The following DHRSX variants were observed in gnomAD, a reference collection of about 807,000 sequenced individuals.
The protein encoded by DHRSX is polyprenol dehydrogenase.
In DHRSX, 31 loss-of-function variants were observed where a neutral mutation model predicts 34.0. That is an observed-to-expected ratio of 0.91 (90% CI 0.69 to 1.23). DHRSX has a LOEUF of 1.23. Ranked by LOEUF, DHRSX falls within the 50% of genes most tolerant of loss-of-function variation. The pLI is 0.00. For synonymous variants in DHRSX, 201 were observed against 183.8 expected (o/e 1.09, Z -0.76); for missense variants, 414 against 428.1 (o/e 0.97, Z 0.29).
intron 4 of DHRSX, among the ~76,000 whole-genome samples, chrX:2,282,769 C>T (rs561104618): frequency 9.1e-4 from 32 of 35,282 alleles, no homozygotes; most frequent in African/African-American, 4.1e-3. Flanking sequence ...GGGGAGAAAG[C>T]GAGGGAGGGA....
intron 3 of DHRSX, among the ~76,000 whole-genome samples, chrX:2,294,678 G>C (rs865930370): frequency 7.6e-6 from 1 of 132,170 alleles, no homozygotes; most frequent in Non-Finnish European, 1.7e-5. Flanking sequence ...AAAAAAAAAA[G>C]AGACAGAAAG....
chrX:2,297,366 G>A (rs1247235776), intron 3 of DHRSX, among the ~76,000 whole-genome samples: 7 of 152,038 alleles, frequency 4.6e-5, no homozygotes, highest in Admixed American at 1.3e-4. Context: ...CAAGCGATCC[G>A]CCCGCCTTGG....
chrX:2,361,893 T>A (rs1448285522), intron 3 of DHRSX, among the ~76,000 whole-genome samples: 1 of 152,206 alleles, frequency 6.6e-6, no homozygotes, highest in Non-Finnish European at 1.5e-5. Flanking sequence ...TTTCTTTTCT[T>A]CAAAAATTAA....
At chrX:2,440,128 C>G (rs2044044126) in intron 1 of DHRSX, among the ~76,000 whole-genome samples, 1 of 152,220 alleles carries the variant, frequency 6.6e-6, no homozygotes, top group African/African-American at 2.4e-5. Flanking sequence ...TCAGTAGCAT[C>G]TGTCAGCAAA....
intron 3 of DHRSX, among the ~76,000 whole-genome samples, chrX:2,316,591 G>A (rs781427320): frequency 5.3e-5 from 8 of 152,108 alleles, no homozygotes; most frequent in African/African-American, 1.7e-4. Context: ...CCAGGAAAAG[G>A]ATCTCTGAGA....
At chrX:2,367,762 CATT>C (rs1407543326) in intron 3 of DHRSX, among the ~76,000 whole-genome samples, 1 of 152,100 alleles carries the variant, frequency 6.6e-6, no homozygotes, top group Non-Finnish European at 1.5e-5. Flanking sequence ...TTTAGCAAAA[CATT>C]ATGATTTGAT....
intron 3 of DHRSX, among the ~76,000 whole-genome samples, chrX:2,373,293 C>T (rs1281057727): frequency 6.6e-6 from 1 of 152,206 alleles, no homozygotes; most frequent in Non-Finnish European, 1.5e-5. Flanking sequence ...GGGGACACAG[C>T]CATCCCATCG....
At chrX:2,303,900 A>G (rs181893799) in intron 3 of DHRSX, among the ~76,000 whole-genome samples, 2,070 of 60,256 alleles carry the variant, frequency 0.034, no homozygotes, top group East Asian at 0.06. Flanking sequence ...TGGATGGATA[A>G]ATGGATGGAT....
intron 3 of DHRSX, among the ~76,000 whole-genome samples, chrX:2,388,740 G>A (rs953786811): frequency 2.0e-4 from 29 of 145,034 alleles, no homozygotes; most frequent in African/African-American, 7.2e-4. Flanking sequence ...CCAAGTCCAG[G>A]AGAGAGACCT....
At chrX:2,365,900 C>T (rs1219059593) in intron 3 of DHRSX, among the ~76,000 whole-genome samples, 2 of 152,058 alleles carry the variant, frequency 1.3e-5, no homozygotes, top group Non-Finnish European at 2.9e-5. Flanking sequence ...ACCACCATGG[C>T]ACATGTATAC....
At chrX:2,347,176 C>T (rs1281356960) in intron 3 of DHRSX, among the ~76,000 whole-genome samples, 1 of 152,174 alleles carries the variant, frequency 6.6e-6, no homozygotes, top group East Asian at 1.9e-4. Flanking sequence ...TACAGTTCCA[C>T]GTGGCTGGGG....
intron 1 of DHRSX, among the ~76,000 whole-genome samples, chrX:2,486,068 T>C (rs1486562611): frequency 2.0e-5 from 3 of 151,692 alleles, no homozygotes; most frequent in Non-Finnish European, 4.4e-5. Flanking sequence ...GGGAAGGCGC[T>C]GATGCCATCC....
chrX:2,315,231 A>AGGTTG (rs2042228606), intron 3 of DHRSX, among the ~76,000 whole-genome samples: 1 of 151,994 alleles, frequency 6.6e-6, no homozygotes, highest in Admixed American at 6.6e-5. Flanking sequence ...TGTCCAAATA[A>AGGTTG]ACACTATCCT....
intron 3 of DHRSX, among the ~76,000 whole-genome samples, chrX:2,342,055 C>T (rs2042647493): frequency 6.6e-6 from 1 of 152,098 alleles, no homozygotes; most frequent in African/African-American, 2.4e-5. Flanking sequence ...ATCTGTCCGC[C>T]TCGGCCTCCC....
chrX:2,500,449 C>G (rs1305150182), intron 1 of DHRSX: 1 of 162,292 alleles, frequency 6.2e-6, no homozygotes, highest in South Asian at 1.2e-4. Context: ...TGCGAGCCCC[C>G]GGGTCCCCGG....
intron 1 of DHRSX, among the ~76,000 whole-genome samples, chrX:2,479,713 G>A (rs1325455704): frequency 6.6e-6 from 1 of 152,150 alleles, no homozygotes; most frequent in Non-Finnish European, 1.5e-5. Context: ...CTAAGAATGT[G>A]GCCAAGGGAC....
At chrX:2,263,806 C>T (rs1046032172) in intron 5 of DHRSX, among the ~76,000 whole-genome samples, 2 of 152,182 alleles carry the variant, frequency 1.3e-5, no homozygotes, top group African/African-American at 2.4e-5. Flanking sequence ...CCACCACACC[C>T]GGACTGCTGG....
intron 6 of DHRSX, among the ~76,000 whole-genome samples, chrX:2,232,033 C>CCTCCTTCTTCCTT (rs2015904592): frequency 6.9e-6 from 1 of 145,120 alleles, no homozygotes; most frequent in African/African-American, 2.6e-5. Flanking sequence ...TCTTCCTTCT[C>CCTCCTTCTTCCTT]CTCCTTTTTC....
intron 3 of DHRSX, among the ~76,000 whole-genome samples, chrX:2,314,175 C>T (rs1391070617): frequency 6.8e-5 from 6 of 87,742 alleles, no homozygotes; most frequent in African/African-American, 1.8e-4. Context: ...AAGGGAGGGA[C>T]GGAAGGAAGG....
Sources: allele counts gnomAD v4.1 joint callset (sites outside exome capture counted in the v4.1 genomes callset), GRCh38; gene constraint gnomAD v4.1.1; transcripts MANE v1.5; gene names NCBI Gene and HGNC (gene_info 2026-07-23, HGNC 2026-07-21).